SLC2A13: variants seen among roughly 807,000 people sequenced by gnomAD.
The protein encoded by SLC2A13 is proton myo-inositol cotransporter.
A neutral mutation model predicts 64.4 loss-of-function variants in SLC2A13; 32 were observed. The observed-to-expected ratio is 0.50, with a 90% CI of 0.37 to 0.67. The LOEUF is 0.67. Ranked by LOEUF, SLC2A13 falls within the 30% of genes least tolerant of loss-of-function variation. The pLI is 0.00. For synonymous variants in SLC2A13, 338 were observed against 327.1 expected (o/e 1.03, Z -0.36); for missense variants, 743 against 829.2 (o/e 0.90, Z 1.28).
chr12:39,971,570 G>A (rs1049250839), intron 3 of SLC2A13, among the ~76,000 whole-genome samples: 1 of 152,124 alleles, frequency 6.6e-6, no homozygotes, highest in Non-Finnish European at 1.5e-5. Flanking sequence ...CTTTATGACA[G>A]GGAGTAAATT....
At chr12:40,073,231 G>A (rs1052899043) in intron 1 of SLC2A13, among the ~76,000 whole-genome samples, 19 of 151,452 alleles carry the variant, frequency 1.3e-4, no homozygotes, top group Non-Finnish European at 2.5e-4. Flanking sequence ...ACACACACAT[G>A]CACATACAAG....
intron 2 of SLC2A13, among the ~76,000 whole-genome samples, chr12:40,046,027 A>G (rs1309070584): frequency 1.3e-5 from 2 of 152,210 alleles, no homozygotes; most frequent in African/African-American, 2.4e-5. Flanking sequence ...CTTTTACTCA[A>G]TTCATCAGAA....
chr12:39,893,717 AGT>A (rs1371363108), intron 4 of SLC2A13, among the ~76,000 whole-genome samples: 1 of 152,170 alleles, frequency 6.6e-6, no homozygotes, highest in Non-Finnish European at 1.5e-5. Flanking sequence ...CTTTTTCTGG[AGT>A]GTGTGTGTCC....
intron 1 of SLC2A13, among the ~76,000 whole-genome samples, chr12:40,104,404 C>T (rs923649203): frequency 6.6e-6 from 1 of 152,158 alleles, no homozygotes; most frequent in Non-Finnish European, 1.5e-5. Context: ...AAAAATTCAA[C>T]GCCAGGAGAA....
chr12:40,072,558 T>C (rs1447721633), intron 1 of SLC2A13, among the ~76,000 whole-genome samples: 1 of 152,108 alleles, frequency 6.6e-6, no homozygotes, highest in Non-Finnish European at 1.5e-5. Context: ...CATTGAGAAT[T>C]TGGTCACTCT....
intron 7 of SLC2A13, among the ~76,000 whole-genome samples, chr12:39,799,262 T>C (rs1333385939): frequency 2.1e-5 from 2 of 97,558 alleles, no homozygotes; most frequent in South Asian, 4.8e-4. Flanking sequence ...GCCTTTTTTT[T>C]TTTTTTTTTT....
intron 1 of SLC2A13, among the ~76,000 whole-genome samples, chr12:40,076,948 G>GT (rs1485826912): frequency 1.3e-5 from 2 of 152,022 alleles, no homozygotes; most frequent in Admixed American, 6.6e-5. Context: ...CTTGTTGGCT[G>GT]TGTGTGTCTT....
At chr12:40,011,052 G>GT (rs1351900770) in intron 3 of SLC2A13, among the ~76,000 whole-genome samples, 2 of 152,136 alleles carry the variant, frequency 1.3e-5, no homozygotes, top group Non-Finnish European at 2.9e-5. Flanking sequence ...TCTTCATGTG[G>GT]TAAAAAATAC....
At chr12:39,993,664 C>T (rs7309328) in intron 3 of SLC2A13, among the ~76,000 whole-genome samples, 2,087 of 152,218 alleles carry the variant, frequency 0.014, 48 homozygotes, top group African/African-American at 0.046. Context: ...CTCTTTTGGA[C>T]TGAAAAACAT....
At chr12:40,087,129 C>A (rs1246463304) in intron 1 of SLC2A13, among the ~76,000 whole-genome samples, 1 of 152,204 alleles carries the variant, frequency 6.6e-6, no homozygotes, top group Non-Finnish European at 1.5e-5. Flanking sequence ...CCTCTCACTA[C>A]CACCTTTGGC....
intron 1 of SLC2A13, among the ~76,000 whole-genome samples, chr12:40,049,325 G>A (rs1315913232): frequency 2.0e-5 from 3 of 151,972 alleles, no homozygotes; most frequent in Non-Finnish European, 4.4e-5. Context: ...GATCTATATA[G>A]AATTGCTTTT....
intron 1 of SLC2A13, among the ~76,000 whole-genome samples, chr12:40,053,067 G>A (rs1948284704): frequency 6.6e-6 from 1 of 152,050 alleles, no homozygotes; most frequent in South Asian, 2.1e-4. Context: ...TGGATCATGA[G>A]GTCAGGAGAT....
intron 7 of SLC2A13, among the ~76,000 whole-genome samples, chr12:39,774,938 TAC>T (rs1940722233): frequency 1.3e-5 from 2 of 152,202 alleles, no homozygotes; most frequent in Admixed American, 1.3e-4. Context: ...GCAATAGTGG[TAC>T]AGTCTCTAAT....
chr12:39,782,484 C>T (rs966267508), intron 7 of SLC2A13, among the ~76,000 whole-genome samples: 2 of 152,120 alleles, frequency 1.3e-5, no homozygotes, highest in Non-Finnish European at 2.9e-5. Flanking sequence ...TGCCTCTCAC[C>T]ATGATTCTGA....
intron 3 of SLC2A13, among the ~76,000 whole-genome samples, chr12:40,012,175 T>C (rs923183613): frequency 4.6e-5 from 7 of 152,234 alleles, no homozygotes; most frequent in East Asian, 1.9e-4. Context: ...TCTCAACTTT[T>C]TGAAATCAAA....
chr12:39,930,941 A>G (rs1164725996), intron 4 of SLC2A13, among the ~76,000 whole-genome samples: 1 of 152,224 alleles, frequency 6.6e-6, no homozygotes, highest in Non-Finnish European at 1.5e-5. Context: ...AACATTTTTT[A>G]TCTGGTCCTT....
intron 7 of SLC2A13, among the ~76,000 whole-genome samples, chr12:39,775,140 G>A (rs764070473): frequency 5.3e-5 from 8 of 152,062 alleles, no homozygotes; most frequent in Non-Finnish European, 1.0e-4. Flanking sequence ...GATTAACATA[G>A]ATAGAGAATT....
intron 6 of SLC2A13, among the ~76,000 whole-genome samples, chr12:39,834,772 T>C (rs565632835): frequency 6.6e-6 from 1 of 152,208 alleles, no homozygotes; most frequent in African/African-American, 2.4e-5. Flanking sequence ...TGACCTGGAA[T>C]TGTTTTTTCA....
chr12:39,823,312 T>C (rs1287538204), intron 7 of SLC2A13, among the ~76,000 whole-genome samples: 2 of 152,232 alleles, frequency 1.3e-5, no homozygotes, highest in Admixed American at 6.5e-5. Flanking sequence ...GAGGTTTTTC[T>C]ATCCCTTATG....
Sources: gnomAD v4.1 joint callset for allele counts (sites outside exome capture counted in the v4.1 genomes callset) on GRCh38, gnomAD v4.1.1 for gene constraint, MANE v1.5 for transcripts, NCBI Gene and HGNC (gene_info 2026-07-23, HGNC 2026-07-21) for gene names.